Variants in PRKAR1A observed in about 807,000 individuals in gnomAD.
PRKAR1A encodes the protein protein kinase cAMP-dependent type I regulatory subunit alpha.
In PRKAR1A, 3 loss-of-function variants were observed where a neutral mutation model predicts 52.0. The observed-to-expected ratio is 0.06, with a 90% confidence interval of 0.03 to 0.15. PRKAR1A has a LOEUF of 0.15. PRKAR1A is among the 10% of genes least tolerant of loss of function. PRKAR1A has a pLI of 1.00. For missense variants in PRKAR1A, 240 were observed against 477.4 expected, an observed-to-expected ratio of 0.50 and a Z score of 4.63; for synonymous variants, 188 against 168.4, an observed-to-expected ratio of 1.12 and a Z score of -0.90.
chr17:68,447,063 C>T, the PRKAR1A span, among the ~76,000 whole-genome samples: 1 of 152,210 alleles, frequency 6.6e-6, no homozygotes, highest in African/African-American at 2.4e-5. Flanking sequence ...AGCTCCTTGT[C>T]TGTTGCTTTG....
rs2085959295 is a variant in PRKAR1A at position 68,530,974 on chromosome 17, G to A, written c.*525G>A. The A allele has an allele frequency of 4.6e-6, 5 of 1,078,506 alleles. No individual in the cohort carries two copies. The highest frequency in any genetic ancestry group is 5.6e-6 in the Non-Finnish European group (5 of 886,126). The allele number at this position is 1,078,506 out of a possible 1,614,324, so 66.8% of individuals were successfully genotyped here. A position where few individuals can be genotyped will look rare whatever the true frequency, so the allele number is the denominator to read the frequency against. ...CTGCCTGTAATTAAACTAGTTTAAG[G>A]GTGGAAAAATGCCCATTTTTGCTAA... On this transcript the variant is annotated 3_prime_UTR_variant, in exon 11 of 11. Transcript: ENST00000589228.
chr17:68,456,344 A>G, the PRKAR1A span, among the ~76,000 whole-genome samples: 8 of 152,244 alleles, frequency 5.3e-5, no homozygotes, highest in Non-Finnish European at 7.3e-5. Context: ...TGAAGGATCA[A>G]TATTAGCGTA....
chr17:68,452,941 A>G, the PRKAR1A span: 2 of 1,614,026 alleles, frequency 1.2e-6, no homozygotes, highest in Non-Finnish European at 1.7e-6. Context: ...GCTGCTCCAC[A>G]GAACTCAGAG....
the PRKAR1A span, among the ~76,000 whole-genome samples, chr17:68,479,131 TTTCTACATTG>T: frequency 6.6e-6 from 1 of 152,248 alleles, no homozygotes. Context: ...AGTATTTTAG[TTTCTACATTG>T]TTCTTATACT....
At chr17:68,547,784 A>G (rs1050278497) in intron 11 of PRKAR1A, among the ~76,000 whole-genome samples, 7 of 152,192 alleles carry the variant, frequency 4.6e-5, no homozygotes, top group African/African-American at 1.7e-4. Context: ...TTGCTTTCTT[A>G]TCATTCGTGT....
intron 2 of PRKAR1A, among the ~76,000 whole-genome samples, chr17:68,518,273 C>G (rs1039953748): frequency 6.6e-6 from 1 of 152,194 alleles, no homozygotes; most frequent in African/African-American, 2.4e-5. Flanking sequence ...GCAGTGGGGA[C>G]TCGGTGTGGG....
intron 8 of PRKAR1A, chr17:68,528,481 GATTAA>G (rs1464016564): frequency 5.1e-6 from 1 of 195,776 alleles, no homozygotes; most frequent in Non-Finnish European, 1.1e-5. Context: ...AATTTAAATA[GATTAA>G]ATTATTTCTA....
chr17:68,430,274 G>T, the PRKAR1A span: 1 of 1,081,776 alleles, frequency 9.2e-7, no homozygotes. Flanking sequence ...GAGAGACTGT[G>T]CCTTAGCATA....
the PRKAR1A span, chr17:68,435,504 G>A: frequency 9.1e-6 from 9 of 984,618 alleles, no homozygotes; most frequent in Admixed American, 1.9e-5. Flanking sequence ...CAAATTCTGA[G>A]TGGGCCCAGA....
At chr17:68,473,990 A>G in the PRKAR1A span, among the ~76,000 whole-genome samples, 1,705 of 152,236 alleles carry the variant, frequency 0.011, 39 homozygotes, top group African/African-American at 0.037. Flanking sequence ...CTTTTTAAAC[A>G]TGTGCATGTA....
At chr17:68,466,095 T>C in the PRKAR1A span, among the ~76,000 whole-genome samples, 1 of 152,138 alleles carries the variant, frequency 6.6e-6, no homozygotes, top group South Asian at 2.1e-4. Context: ...AATGGGCCTG[T>C]CGTGCAAATG....
chr17:68,495,429 C>T, the PRKAR1A span, among the ~76,000 whole-genome samples: 4 of 152,184 alleles, frequency 2.6e-5, no homozygotes, highest in African/African-American at 9.7e-5. Context: ...TTTGCCTGGA[C>T]TGACGTTCCC....
In PRKAR1A at chr17:68,531,080, T is replaced by C; in HGVS notation, c.*631T>C. On this transcript the variant is annotated 3_prime_UTR_variant, in exon 11 of 11. Coordinates refer to ENST00000589228, the MANE Select transcript of PRKAR1A (RefSeq NM_002734.5). ...AAGCTAATCTGCCTGGTTTTATTTATATCTTGTTATTAATGTTTCTTCTCC... is the reference window on the plus strand; with the variant it reads ...AAGCTAATCTGCCTGGTTTTATTTACATCTTGTTATTAATGTTTCTTCTCC... The C allele has an allele frequency of 3.7e-6, 4 of 1,068,142 alleles. No individual in the cohort carries two copies. The highest frequency in any genetic ancestry group is 4.5e-6 in the Non-Finnish European group (4 of 880,842). The allele number at this position is 1,068,142 out of a possible 1,614,324, so 66.2% of individuals were successfully genotyped here. A position where few individuals can be genotyped will look rare whatever the true frequency, so the allele number is the denominator to read the frequency against.
At chr17:68,472,277 C>G in the PRKAR1A span, among the ~76,000 whole-genome samples, 1 of 152,176 alleles carries the variant, frequency 6.6e-6, no homozygotes, top group Non-Finnish European at 1.5e-5. Flanking sequence ...GCCTCTATGA[C>G]TCTCGAAGCT....
At chr17:68,517,147 CT>C (rs1431164010) in intron 2 of PRKAR1A, among the ~76,000 whole-genome samples, 1 of 152,166 alleles carries the variant, frequency 6.6e-6, no homozygotes, top group Non-Finnish European at 1.5e-5. Context: ...TGTGTTTCAG[CT>C]TCTTTAACTT....
the PRKAR1A span, chr17:68,422,755 A>AT: frequency 1.4e-5 from 2 of 146,516 alleles, no homozygotes; most frequent in Non-Finnish European, 3.0e-5. Context: ...AAAAAAAAAA[A>AT]GGGAAGGTCA....
intron 1 of PRKAR1A, among the ~76,000 whole-genome samples, chr17:68,514,545 C>T (rs2085369310): frequency 6.6e-6 from 1 of 152,158 alleles, no homozygotes; most frequent in Non-Finnish European, 1.5e-5. Flanking sequence ...CCTCTAAAAT[C>T]CATTAAATGC....
the PRKAR1A span, among the ~76,000 whole-genome samples, chr17:68,458,666 C>G: frequency 6.6e-6 from 1 of 152,180 alleles, no homozygotes; most frequent in Non-Finnish European, 1.5e-5. Flanking sequence ...CAAAGAATCT[C>G]TTTTTAAAAG....
At chr17:68,519,970 T>C (rs1170202384) in intron 2 of PRKAR1A, among the ~76,000 whole-genome samples, 6 of 152,370 alleles carry the variant, frequency 3.9e-5, no homozygotes, top group Non-Finnish European at 7.4e-5. Flanking sequence ...CGTCAGCTTT[T>C]GCTGGAGCAA....
Sources: allele counts gnomAD v4.1 joint callset (sites outside exome capture counted in the v4.1 genomes callset), GRCh38; gene constraint gnomAD v4.1.1; transcripts MANE v1.5; gene names NCBI Gene and HGNC (gene_info 2026-07-23, HGNC 2026-07-21).